The following ERC2 variants were observed in gnomAD, a reference collection of about 807,000 sequenced individuals.
ERC2 encodes ELKS/RAB6-interacting/CAST family member 2.
In ERC2, 42 loss-of-function variants were observed where a neutral mutation model predicts 114.8. The observed-to-expected ratio is 0.37, with a 90% CI of 0.29 to 0.47. The LOEUF (loss-of-function observed/expected upper bound fraction) is 0.47, where lower values mean the gene tolerates loss of function less well. Ranked by LOEUF, ERC2 falls within the 20% of genes least tolerant of loss-of-function variation. The pLI is 0.99. For missense variants in ERC2, 939 were observed against 1,150.7 expected, an observed-to-expected ratio of 0.82 and a Z score of 2.66; for synonymous variants, 454 against 425.5, an observed-to-expected ratio of 1.07 and a Z score of -0.82.
intron 12 of ERC2, among the ~76,000 whole-genome samples, chr3:55,973,168 G>A (rs530999647): frequency 6.6e-6 from 1 of 152,256 alleles, no homozygotes; most frequent in South Asian, 2.1e-4. Context: ...CAGAGACTGG[G>A]ACAGATTGTG....
chr3:55,778,659 G>A (rs2068792403), intron 14 of ERC2, among the ~76,000 whole-genome samples: 1 of 152,066 alleles, frequency 6.6e-6, no homozygotes, highest in African/African-American at 2.4e-5. Context: ...TCCACAATAT[G>A]ACACATTAAT....
intron 14 of ERC2, among the ~76,000 whole-genome samples, chr3:55,750,206 A>T (rs1385703093): frequency 6.6e-6 from 1 of 152,186 alleles, no homozygotes; most frequent in African/African-American, 2.4e-5. Context: ...AAAGATAAAT[A>T]ATAGTTTATT....
chr3:55,582,429 A>G (rs375175273), intron 17 of ERC2, among the ~76,000 whole-genome samples: 3 of 152,246 alleles, frequency 2.0e-5, no homozygotes, highest in Admixed American at 6.5e-5. Context: ...AGTGTCAAGT[A>G]TCTATGAAGT....
intron 3 of ERC2, among the ~76,000 whole-genome samples, chr3:56,206,020 T>TAA (rs2048704573): frequency 2.6e-5 from 4 of 152,210 alleles, no homozygotes. Context: ...AGTTAACCTG[T>TAA]GACTGTAAGT....
intron 2 of ERC2, among the ~76,000 whole-genome samples, chr3:56,415,114 A>G (rs570457772): frequency 1.7e-3 from 254 of 152,318 alleles, no homozygotes; most frequent in African/African-American, 6.0e-3. Context: ...TCACACAGCC[A>G]ACTTGTAGCA....
intron 17 of ERC2, among the ~76,000 whole-genome samples, chr3:55,661,086 G>A (rs1030195356): frequency 4.6e-5 from 7 of 152,278 alleles, no homozygotes; most frequent in East Asian, 3.9e-4. Context: ...GGTTCAACTC[G>A]TCTGTGCATT....
intron 2 of ERC2, among the ~76,000 whole-genome samples, chr3:56,312,766 G>A (rs2056654205): frequency 1.3e-5 from 2 of 150,998 alleles, no homozygotes; most frequent in Non-Finnish European, 1.5e-5. Flanking sequence ...TGAGGAGTCT[G>A]TGATAAATCT....
In ERC2 at chr3:55,550,884, T is replaced by C. The variant is rs184566241; in HGVS notation, c.*40-39608A>G. Among the ~76,000 whole-genome samples the C allele has an allele frequency of 6.4e-3, 970 of 151,570 alleles. 22 individuals carry two copies. Among genetic ancestry groups the C allele is most frequent in the South Asian group, 0.011 (51 of 4,796 alleles). On this transcript the variant is annotated intron_variant, in intron 17 of 17. Transcript: ENST00000288221. ...ACAAAAAATTAGCCGGGCGTGGTGGTGGGTGCCTGTAGTCCCAGCTACTCG... is the reference window on the plus strand; with the variant it reads ...ACAAAAAATTAGCCGGGCGTGGTGGCGGGTGCCTGTAGTCCCAGCTACTCG...
chr3:56,012,250 C>G (rs986328617), intron 8 of ERC2, among the ~76,000 whole-genome samples: 15 of 152,136 alleles, frequency 9.9e-5, no homozygotes, highest in African/African-American at 3.6e-4. Context: ...AATTACCCAG[C>G]CACCTCTCCG....
chr3:56,403,442 G>T (rs2106981592), intron 2 of ERC2, among the ~76,000 whole-genome samples: 1 of 152,294 alleles, frequency 6.6e-6, no homozygotes, highest in East Asian at 1.9e-4. Flanking sequence ...GCCAGAAGCG[G>T]CAGGTGGTTA....
At chr3:56,202,627 G>A (rs2048473992) in intron 3 of ERC2, among the ~76,000 whole-genome samples, 1 of 151,654 alleles carries the variant, frequency 6.6e-6, no homozygotes, top group Non-Finnish European at 1.5e-5. Flanking sequence ...ATTGTGAAAT[G>A]ATTGTCACAA....
chr3:56,322,981 G>C (rs1030443473), intron 2 of ERC2, among the ~76,000 whole-genome samples: 2 of 152,062 alleles, frequency 1.3e-5, no homozygotes, highest in African/African-American at 2.4e-5. Context: ...TCCCACTCTC[G>C]CAGGACTATA....
rs551874521 is a variant in ERC2 at position 55,899,522 on chromosome 3, A to AGT, written c.2404-10975_2404-10974dup. On this transcript the variant is annotated intron_variant, in intron 13 of 17. Transcript: ENST00000288221. ...GTGAGTGTGTGTGTGTGAGAGAGAG[A>AGT]GTGTGTGTGTGATTTAAAAGTGTTA... is the stretch of plus-strand genomic sequence containing the variant. 2.5e-3 allele frequency among the ~76,000 whole-genome samples: 382 copies of AGT among 151,994 alleles called. 7 individuals carry two copies. Among genetic ancestry groups the AGT allele is most frequent in the East Asian group, 0.014 (73 of 5,172 alleles).
intron 2 of ERC2, among the ~76,000 whole-genome samples, chr3:56,367,589 A>G (rs2059197561): frequency 6.6e-6 from 1 of 152,184 alleles, no homozygotes; most frequent in South Asian, 2.1e-4. Context: ...ACCACTGTGG[A>G]ATTTAAACCT....
intron 14 of ERC2, among the ~76,000 whole-genome samples, chr3:55,802,387 T>C (rs578026925): frequency 7.2e-5 from 11 of 152,306 alleles, no homozygotes; most frequent in African/African-American, 2.6e-4. Context: ...AGGTATGAAG[T>C]TCAGATAGGG....
At chr3:55,919,892 G>C (rs996326747) in intron 13 of ERC2, among the ~76,000 whole-genome samples, 4 of 152,164 alleles carry the variant, frequency 2.6e-5, no homozygotes. Context: ...CAAGGAATAA[G>C]GAGGAGGCCA....
intron 13 of ERC2, among the ~76,000 whole-genome samples, chr3:55,916,068 G>A (rs943074825): frequency 2.0e-5 from 3 of 152,252 alleles, no homozygotes; most frequent in Non-Finnish European, 4.4e-5. Flanking sequence ...ACTCTGCTGC[G>A]AGGTCAAGCC....
At chr3:55,846,526 C>T (rs2061368717) in intron 14 of ERC2, among the ~76,000 whole-genome samples, 1 of 152,156 alleles carries the variant, frequency 6.6e-6, no homozygotes, top group African/African-American at 2.4e-5. Context: ...AATGAGATTG[C>T]TGGGTCAAAT....
chr3:55,802,755 T>A (rs1467827459), intron 14 of ERC2, among the ~76,000 whole-genome samples: 3 of 152,136 alleles, frequency 2.0e-5, no homozygotes, highest in African/African-American at 7.3e-5. Context: ...TCAGCAAGTT[T>A]AGGGGGAATT....
Sources: gnomAD v4.1 joint callset for allele counts (sites outside exome capture counted in the v4.1 genomes callset) on GRCh38, gnomAD v4.1.1 for gene constraint, MANE v1.5 for transcripts, NCBI Gene and HGNC (gene_info 2026-07-23, HGNC 2026-07-21) for gene names.